The following ADAMTS3 variants were observed in gnomAD, a reference collection of about 807,000 sequenced individuals.
ADAMTS3 encodes ADAM metallopeptidase with thrombospondin type 1 motif 3.
A neutral mutation model predicts 129.0 loss-of-function variants in ADAMTS3; 73 were observed. The ratio of observed to expected loss-of-function variants is 0.57; its 90% CI spans 0.47 to 0.69. The LOEUF is 0.69. Among genes scored for constraint, ADAMTS3 ranks in the 30% least tolerant of loss-of-function variants. ADAMTS3 has a pLI of 0.00. For missense variants in ADAMTS3, 1,457 were observed against 1,514.5 expected (o/e 0.96, Z 0.63); for synonymous variants, 477 against 510.8 (o/e 0.93, Z 0.89).
intron 6 of ADAMTS3, 52 bp downstream of exon 6, chr4:72,322,962 A>G (rs1365076667): frequency 1.0e-5 from 14 of 1,401,446 alleles, no homozygotes; most frequent in Non-Finnish European, 1.2e-5. Context: ...TTAGTCTTCT[A>G]TTTGCTAACC....
At chr4:72,526,137 C>G (rs1720801158) in intron 3 of ADAMTS3, among the ~76,000 whole-genome samples, 1 of 152,194 alleles carries the variant, frequency 6.6e-6, no homozygotes, top group African/African-American at 2.4e-5. Context: ...TCCCTGGCCT[C>G]TTCCCTGGCC....
Position 72,318,724 on chromosome 4 carries a change from G to C in ADAMTS3, c.1353-20C>G. On this transcript the variant is annotated intron_variant, in intron 9 of 21. Transcript: ENST00000286657. ...TAGGAACTGTAGGAAGAAAAATATT[G>C]CATGTAGTTAAATGTTCACTTAAAA... is the stretch of plus-strand genomic sequence containing the variant. The C allele has an allele frequency of 6.2e-7, 1 of 1,606,134 alleles. No individual in the cohort carries two copies. Among genetic ancestry groups the C allele is most frequent in the Non-Finnish European group, 8.5e-7 (1 of 1,176,062 alleles).
At chr4:72,429,549 A>G (rs953877514) in intron 3 of ADAMTS3, among the ~76,000 whole-genome samples, 2 of 152,068 alleles carry the variant, frequency 1.3e-5, no homozygotes, top group African/African-American at 4.8e-5. Flanking sequence ...TATTAAACAT[A>G]CCAAAGTGCA....
chr4:72,308,794 CAA>C (rs1289518524), intron 15 of ADAMTS3, among the ~76,000 whole-genome samples: 1 of 151,856 alleles, frequency 6.6e-6, no homozygotes, highest in African/African-American at 2.4e-5. Flanking sequence ...TGTCTAAGTT[CAA>C]GTTATTGACT....
At chr4:72,564,870 T>C (rs1036549295) in intron 2 of ADAMTS3, among the ~76,000 whole-genome samples, 5 of 152,194 alleles carry the variant, frequency 3.3e-5, no homozygotes, top group African/African-American at 1.2e-4. Flanking sequence ...AAGAAGTACA[T>C]ATCCTGTGAC....
intron 3 of ADAMTS3, among the ~76,000 whole-genome samples, chr4:72,477,915 T>A (rs1719289775): frequency 6.6e-6 from 1 of 151,354 alleles, no homozygotes; most frequent in African/African-American, 2.4e-5. Context: ...TACAAACACC[T>A]CTATGCAAAT....
At chr4:72,321,203 ACTCT>A (rs912656558) in intron 6 of ADAMTS3, among the ~76,000 whole-genome samples, 1 of 151,882 alleles carries the variant, frequency 6.6e-6, no homozygotes, top group African/African-American at 2.4e-5. Flanking sequence ...ACAGAATCTC[ACTCT>A]CTCACCCAGG....
intron 3 of ADAMTS3, among the ~76,000 whole-genome samples, chr4:72,481,119 C>T (rs1719423558): frequency 6.6e-6 from 1 of 152,070 alleles, no homozygotes. Context: ...GTAAAGATTT[C>T]AGTTTTTCCC....
At chr4:72,568,560 C>A in intron 1 of ADAMTS3, 134 bp downstream of exon 1, 1 of 740,978 alleles carries the variant, frequency 1.3e-6, no homozygotes, top group South Asian at 1.8e-5. Context: ...CCTCAAAACA[C>A]CGTTTCTGAA....
rs7684606 is a variant in ADAMTS3, at chr4:72,463,960, G to C, written c.505-48989C>G. On this transcript the variant is annotated intron_variant, in intron 3 of 21. Coordinates refer to ENST00000286657, the MANE Select transcript of ADAMTS3 (RefSeq NM_014243.3). ...CTGCCAAGACAAACAAATGGGTCTT[G>C]GCTAAAGGGGCGCCCATCTCTGGAG... Among the ~76,000 whole-genome samples the C allele has an allele frequency of 1.6e-3, 241 of 151,990 alleles. 1 individual carries two copies. Among genetic ancestry groups the C allele is most frequent in the African/African-American group, 5.5e-3 (228 of 41,494 alleles).
intron 3 of ADAMTS3, among the ~76,000 whole-genome samples, chr4:72,431,554 G>A (rs1722698525): frequency 6.6e-6 from 1 of 151,960 alleles, no homozygotes; most frequent in South Asian, 2.1e-4. Context: ...TTATAATATT[G>A]TACAAAATTA....
chr4:72,287,019 A>G (rs1007002330), intron 21 of ADAMTS3, among the ~76,000 whole-genome samples: 17 of 152,088 alleles, frequency 1.1e-4, no homozygotes. Flanking sequence ...CCTTTGTTGA[A>G]ACCTAATCCT....
At chr4:72,356,541 A>G (rs1434804939) in intron 4 of ADAMTS3, among the ~76,000 whole-genome samples, 3 of 151,918 alleles carry the variant, frequency 2.0e-5, no homozygotes, top group African/African-American at 4.8e-5. Context: ...GTGGAAAAAC[A>G]AAACAAAACT....
intron 3 of ADAMTS3, among the ~76,000 whole-genome samples, chr4:72,546,942 C>G (rs534909196): frequency 9.1e-4 from 138 of 152,226 alleles, no homozygotes; most frequent in African/African-American, 3.0e-3. Context: ...ATCAACACCC[C>G]CTTGCCAAAG....
intron 3 of ADAMTS3, among the ~76,000 whole-genome samples, chr4:72,476,066 T>C (rs1719222985): frequency 1.3e-5 from 2 of 151,620 alleles, no homozygotes; most frequent in Admixed American, 1.3e-4. Context: ...GAAGAAACTA[T>C]GAAAACTAGA....
At chr4:72,338,648 A>AG (rs1248801009) in intron 5 of ADAMTS3, among the ~76,000 whole-genome samples, 1 of 146,564 alleles carries the variant, frequency 6.8e-6, no homozygotes, top group Non-Finnish European at 1.5e-5. Context: ...AAAAGTTGTG[A>AG]GGGGGGAGGG....
chr4:72,493,179 A>G (rs973757672), intron 3 of ADAMTS3, among the ~76,000 whole-genome samples: 8 of 151,892 alleles, frequency 5.3e-5, no homozygotes, highest in African/African-American at 1.9e-4. Context: ...ATTCTATCCT[A>G]TGACTTTTGT....
rs556359605 is a variant in ADAMTS3, at chr4:72,478,789, A to T, written c.505-63818T>A. The stretch of plus-strand genomic sequence containing the variant: ...CAGTTGACATGATTCTATATCTAGA[A>T]AACCCCATTGTCTCAGCCCAAAATC... On this transcript the variant is annotated intron_variant, in intron 3 of 21. Transcript: ENST00000286657. Among the ~76,000 whole-genome samples, 715 of 152,172 alleles carry T rather than the reference A, an allele frequency of 4.7e-3. 8 individuals are homozygous for T. Among genetic ancestry groups the T allele is most frequent in the African/African-American group, 0.017 (692 of 41,478 alleles).
chr4:72,447,323 A>G (rs901399960), intron 3 of ADAMTS3, among the ~76,000 whole-genome samples: 6 of 151,704 alleles, frequency 4.0e-5, no homozygotes, highest in Non-Finnish European at 5.9e-5. Context: ...ATTATTTCCA[A>G]TCCTTACCTC....
Sources: gnomAD v4.1 joint callset for allele counts (sites outside exome capture counted in the v4.1 genomes callset) on GRCh38, gnomAD v4.1.1 for gene constraint, MANE v1.5 for transcripts, NCBI Gene and HGNC (gene_info 2026-07-23, HGNC 2026-07-21) for gene names.